The following ZRANB3 variants were observed in gnomAD, a reference collection of about 807,000 sequenced individuals.
ZRANB3 encodes the protein DNA annealing helicase and endonuclease ZRANB3.
Under a neutral mutation model 133.8 loss-of-function variants are expected in ZRANB3, and 125 were observed. The observed-to-expected ratio is 0.93, with a 90% CI of 0.81 to 1.08. The LOEUF (loss-of-function observed/expected upper bound fraction) is 1.08. Among genes scored for constraint, ZRANB3 ranks in the 50% least tolerant of loss-of-function variants. ZRANB3 has a pLI of 0.00. For synonymous variants in ZRANB3, 387 were observed against 432.7 expected (o/e 0.89, Z 1.31); for missense variants, 1,229 against 1,275.5 (o/e 0.96, Z 0.56).
At chr2:135,329,065 T>G (rs1683997047) in intron 6 of ZRANB3, among the ~76,000 whole-genome samples, 1 of 152,348 alleles carries the variant, frequency 6.6e-6, no homozygotes, top group African/African-American at 2.4e-5. Flanking sequence ...TTAGTTTAAT[T>G]AGATCCCATT....
chr2:135,398,161 G>A (rs888662785), intron 2 of ZRANB3, among the ~76,000 whole-genome samples: 2 of 151,964 alleles, frequency 1.3e-5, no homozygotes, highest in African/African-American at 4.8e-5. Flanking sequence ...TGCCTCCCGG[G>A]TTCACGCCAT....
At chr2:135,457,594 A>AT (rs1460680258) in intron 2 of ZRANB3, among the ~76,000 whole-genome samples, 2 of 151,928 alleles carry the variant, frequency 1.3e-5, no homozygotes, top group Non-Finnish European at 2.9e-5. Flanking sequence ...TTTTTTGCCC[A>AT]TTTTTTCATT....
At chr2:135,486,299 TA>T (rs1692117834) in intron 2 of ZRANB3, among the ~76,000 whole-genome samples, 1 of 152,226 alleles carries the variant, frequency 6.6e-6, no homozygotes, top group Admixed American at 6.5e-5. Context: ...GTTTTATTCT[TA>T]ATTTTTTGTT....
At chr2:135,282,130 A>C (rs1239319909) in intron 8 of ZRANB3, among the ~76,000 whole-genome samples, 8 of 152,126 alleles carry the variant, frequency 5.3e-5, no homozygotes, top group African/African-American at 1.9e-4. Context: ...TTATTCATTT[A>C]TCTAGCTCAC....
At position 135,241,830 on chromosome 2, in the gene ZRANB3, G is replaced by C. The variant is rs115649236; in HGVS notation, c.1540-10903C>G. On this transcript the variant is annotated intron_variant, in intron 12 of 20. Transcript: ENST00000264159. ...AACAAGTTCACTTTTAGAAATGTATGAGAACTAGTGGTACTGGAGTAGAGG... is the reference window on the plus strand; with the variant it reads ...AACAAGTTCACTTTTAGAAATGTATCAGAACTAGTGGTACTGGAGTAGAGG... Among the ~76,000 whole-genome samples, 639 of 152,274 alleles carry C rather than the reference G, an allele frequency of 4.2e-3. 6 individuals carry two copies. Among genetic ancestry groups the C allele is most frequent in the African/African-American group, 0.015 (605 of 41,556 alleles).
intron 12 of ZRANB3, among the ~76,000 whole-genome samples, chr2:135,249,946 G>A (rs192006357): frequency 3.5e-4 from 53 of 152,308 alleles, no homozygotes; most frequent in Admixed American, 3.3e-3. Flanking sequence ...ATGTGGAAGC[G>A]ACTTTGGAAC....
chr2:135,503,852 C>G (rs929793937), intron 2 of ZRANB3, among the ~76,000 whole-genome samples: 1 of 151,932 alleles, frequency 6.6e-6, no homozygotes, highest in Non-Finnish European at 1.5e-5. Flanking sequence ...ACCCTGTAGT[C>G]CCAGCTATTC....
At chr2:135,384,808 A>C (rs529301296) in intron 3 of ZRANB3, among the ~76,000 whole-genome samples, 15 of 152,318 alleles carry the variant, frequency 9.8e-5, no homozygotes, top group Admixed American at 3.9e-4. Flanking sequence ...TCATGCTAAA[A>C]ACTCTCAATA....
chr2:135,246,039 CTTTT>C (rs569950745), intron 12 of ZRANB3, among the ~76,000 whole-genome samples: 3 of 100,418 alleles, frequency 3.0e-5, no homozygotes, highest in South Asian at 3.4e-4. Flanking sequence ...TTCTTTCTTT[CTTTT>C]TTTTTTTTTT....
At chr2:135,519,293 C>A (rs1163382100) in intron 1 of ZRANB3, among the ~76,000 whole-genome samples, 1 of 151,956 alleles carries the variant, frequency 6.6e-6, no homozygotes, top group Non-Finnish European at 1.5e-5. Context: ...TTATTTCTTA[C>A]AATTTCCCGT....
At chr2:135,450,597 G>A (rs1690225037) in intron 2 of ZRANB3, among the ~76,000 whole-genome samples, 1 of 151,974 alleles carries the variant, frequency 6.6e-6, no homozygotes. Context: ...GAGAGTAACA[G>A]ACTGGATTTA....
intron 2 of ZRANB3, among the ~76,000 whole-genome samples, chr2:135,451,781 G>C (rs1307929217): frequency 2.0e-5 from 3 of 152,164 alleles, no homozygotes; most frequent in Non-Finnish European, 2.9e-5. Flanking sequence ...CATTCCATAT[G>C]TAGAAGAAGC....
At position 135,316,984 on chromosome 2, in the gene ZRANB3, AT is replaced by A. The variant is rs551132046; in HGVS notation, c.678-1455del. Among the ~76,000 whole-genome samples the A allele has an allele frequency of 9.8e-3, 1,070 of 109,164 alleles. 16 individuals carry two copies. The highest frequency in any genetic ancestry group is 0.043 in the African/African-American group (863 of 20,160). 71.6% of individuals were successfully genotyped at this position (109,164 alleles called of 152,430 possible). Reference sequence around the variant, plus strand: ...CGTCTCGAGAAAAAAAAAAAAAAAAATATATATATATATATATACTTGCATG... The same window carrying A: ...CGTCTCGAGAAAAAAAAAAAAAAAAAATATATATATATATATACTTGCATG... On this transcript the variant is annotated intron_variant, in intron 6 of 20. Transcript: ENST00000264159.
At chr2:135,282,828 T>C (rs1681158027) in intron 8 of ZRANB3, among the ~76,000 whole-genome samples, 1 of 152,216 alleles carries the variant, frequency 6.6e-6, no homozygotes, top group Non-Finnish European at 1.5e-5. Context: ...TCATTATCAA[T>C]CAATCTATCA....
At chr2:135,432,434 T>C (rs1689363352) in intron 2 of ZRANB3, among the ~76,000 whole-genome samples, 1 of 152,188 alleles carries the variant, frequency 6.6e-6, no homozygotes, top group Non-Finnish European at 1.5e-5. Flanking sequence ...TGTTCTAAAA[T>C]TTTGAGTCAA....
intron 5 of ZRANB3, among the ~76,000 whole-genome samples, chr2:135,347,438 G>A (rs922220481): frequency 2.6e-5 from 4 of 151,944 alleles, no homozygotes; most frequent in African/African-American, 9.7e-5. Context: ...GACTACAGGC[G>A]CCCACCACCG....
chr2:135,405,520 C>G (rs1687971324), intron 2 of ZRANB3, among the ~76,000 whole-genome samples: 1 of 152,172 alleles, frequency 6.6e-6, no homozygotes, highest in Non-Finnish European at 1.5e-5. Context: ...AATATACATT[C>G]TTCTCAGCAC....
chr2:135,501,644 T>C (rs926403685), intron 2 of ZRANB3, among the ~76,000 whole-genome samples: 17 of 152,272 alleles, frequency 1.1e-4, no homozygotes, highest in African/African-American at 3.4e-4. Flanking sequence ...AGTTATTAGG[T>C]CTCTCTCAAT....
intron 2 of ZRANB3, among the ~76,000 whole-genome samples, chr2:135,399,185 CCT>C (rs1351964142): frequency 3.3e-5 from 5 of 152,154 alleles, no homozygotes; most frequent in Non-Finnish European, 5.9e-5. Flanking sequence ...TTCTCTTCCC[CCT>C]GTCACCTGGT....
Sources: allele counts gnomAD v4.1 joint callset (sites outside exome capture counted in the v4.1 genomes callset), GRCh38; gene constraint gnomAD v4.1.1; transcripts MANE v1.5; gene names NCBI Gene and HGNC (gene_info 2026-07-23, HGNC 2026-07-21).